The following VPS4A variants were observed in gnomAD, a reference collection of about 807,000 sequenced individuals.
The protein encoded by VPS4A is vacuolar protein sorting-associated protein 4A.
A neutral mutation model predicts 52.3 loss-of-function variants in VPS4A; 20 were observed. The ratio of observed to expected loss-of-function variants is 0.38; its 90% confidence interval spans 0.27 to 0.56. VPS4A has a LOEUF of 0.56. Ranked by LOEUF, VPS4A falls within the 20% of genes least tolerant of loss-of-function variation. The pLI is 0.72. For missense variants in VPS4A, 419 were observed against 575.9 expected (o/e 0.73, Z 2.79); for synonymous variants, 293 against 227.7 (o/e 1.29, Z -2.58).
Position 69,311,493 on chromosome 16 carries a change from G to C in VPS4A, c.-19G>C, listed in dbSNP as rs1965376813. ...CCGCAAGCAGCGCCGCGGGGTGTGG[G>C]GCGGACCCAGGAGATGAAATGACAA... On this transcript the variant is annotated 5_prime_UTR_variant, in exon 1 of 11. Transcript: ENST00000254950. 1 of 1,345,606 alleles carries C rather than the reference G, an allele frequency of 7.4e-7. No homozygotes were observed. Among genetic ancestry groups the C allele is most frequent in the Non-Finnish European group, 9.7e-7 (1 of 1,035,418 alleles). The allele number at this position is 1,345,606 out of a possible 1,614,324, so 83.4% of individuals were successfully genotyped here.
Position 69,324,841 on chromosome 16 carries a change from C to T in VPS4A, c.*532C>T, listed in dbSNP as rs1034534252. On this transcript the variant is annotated 3_prime_UTR_variant, in exon 11 of 11. Coordinates refer to ENST00000254950, the MANE Select transcript of VPS4A (RefSeq NM_013245.3). ...GCCTCAAAGACCGAGTGACATAAGC[C>T]ATTCCCACCCTCCTAGGTTCACATC... is the stretch of plus-strand genomic sequence containing the variant. 1 of 171,874 alleles carries T rather than the reference C, an allele frequency of 5.8e-6. No individual in the cohort carries two copies. The highest frequency in any genetic ancestry group is 1.3e-5 in the Non-Finnish European group (1 of 78,786). 10.6% of individuals were successfully genotyped at this position (171,874 alleles called of 1,614,324 possible).
intron 1 of VPS4A, among the ~76,000 whole-genome samples, chr16:69,313,489 A>G (rs1443759376): frequency 2.0e-5 from 3 of 152,158 alleles, no homozygotes; most frequent in Non-Finnish European, 4.4e-5. Context: ...CCCACTTTAT[A>G]TAAACAGAGT....
rs1033471326 is a variant in VPS4A at position 69,320,304 on chromosome 16, C to T, written c.769+15C>T. On this transcript the variant is annotated intron_variant, in intron 7 of 10. Transcript: ENST00000254950. This position sits in a 1 kb window ranked among gnomAD's most constrained non-coding sequence, Gnocchi z 4.2. Reference sequence around the variant, plus strand: ...CCAGATGCAGGGTGTGTGCCGGGCCCAGGGCCCCCTTGGTTCTTGTTGCAC... The same window carrying T: ...CCAGATGCAGGGTGTGTGCCGGGCCTAGGGCCCCCTTGGTTCTTGTTGCAC... The T allele has an allele frequency of 2.7e-5, 43 of 1,609,022 alleles. No homozygotes were observed. The highest frequency in any genetic ancestry group is 3.4e-5 in the Non-Finnish European group (40 of 1,175,956).
At chr16:69,323,511 A>G in intron 10 of VPS4A, 3 of 382,592 alleles carry the variant, frequency 7.8e-6, no homozygotes, top group Non-Finnish European at 1.6e-5. Flanking sequence ...ACGTCAATCC[A>G]TGGGTTTGGC....
chr16:69,315,979 G>A, intron 1 of VPS4A, 29 bp from the exon 2 acceptor site: 1 of 1,600,404 alleles, frequency 6.2e-7, no homozygotes, highest in Non-Finnish European at 8.6e-7. Context: ...CTCCGAGGAA[G>A]CACTGAGCCA....
Position 69,321,189 on chromosome 16 carries a change from G to T in VPS4A, c.990G>T (p.Ser330=), listed in dbSNP as rs371146680. The part of the protein sequence containing the change: ...HELARKTEGY[S]GADISIIVRD... ...TGGCCCGGAAGACGGAAGGCTACTC[G>T]GGCGCGGACATCAGCATCATCGTGC... is the stretch of plus-strand genomic sequence containing the variant. Residue 330 remains serine, a synonymous_variant, in exon 9 of 11, where the codon TCG becomes TCT. Coordinates refer to ENST00000254950, the MANE Select transcript of VPS4A (RefSeq NM_013245.3). This position sits in a 1 kb window ranked among gnomAD's most constrained non-coding sequence, Gnocchi z 4.5. The T allele has an allele frequency of 1.4e-4, 217 of 1,572,596 alleles. 4 individuals carry two copies. The South Asian group carries it at 1.7e-3, about 12-fold the overall frequency.
chr16:69,311,788 G>C (rs376273655), intron 1 of VPS4A, among the ~76,000 whole-genome samples: 2 of 152,210 alleles, frequency 1.3e-5, no homozygotes, highest in African/African-American at 4.8e-5. Flanking sequence ...CCGGCGCCCC[G>C]GTACCGCCGT....
chr16:69,318,703 A>G lies in VPS4A; in HGVS notation c.335A>G (p.Gln112Arg). The G allele has an allele frequency of 6.2e-7, 1 of 1,613,756 alleles. No individual in the cohort carries two copies. Among genetic ancestry groups the G allele is most frequent in the Non-Finnish European group, 8.5e-7 (1 of 1,179,794 alleles). The change falls in exon 4 of 11, where the codon CAG (glutamine) becomes CGG (arginine). Residue 112 changes from glutamine to arginine, a missense_variant. By Grantham distance (43) the Gln-to-Arg change is conservative. This residue lies in a region of VPS4A where 131 missense variants were observed against 165.4 expected (regional missense o/e 0.79). Coordinates refer to ENST00000254950, the MANE Select transcript of VPS4A (RefSeq NM_013245.3). ...DNPEKKKLQE[Q>R]LMGAVVMEKP... is the part of the protein sequence containing the mutation. ...CCGGAGAAAAAGAAACTGCAAGAACAGCTGATGGGTAAGTGGCTCGCGGCC... is the reference window on the plus strand; with the variant it reads ...CCGGAGAAAAAGAAACTGCAAGAACGGCTGATGGGTAAGTGGCTCGCGGCC...
In VPS4A at chr16:69,325,379, CG is replaced by C. The variant is rs1965576789; in HGVS notation, c.*1071del. 1.4e-5 allele frequency: 2 copies of C among 142,794 alleles called. No individual in the cohort carries two copies. Among genetic ancestry groups the C allele is most frequent in the African/African-American group, 5.0e-5 (2 of 40,192 alleles). The allele number at this position is 142,794 out of a possible 1,614,324, so 8.8% of individuals were successfully genotyped here. On this transcript the variant is annotated 3_prime_UTR_variant, in exon 11 of 11. Coordinates refer to ENST00000254950, the MANE Select transcript of VPS4A (RefSeq NM_013245.3). ...TGGTCTGCCGCTAACATTTAAAAGT[CG>C]AGAGTTGCTGGGCGCGGTGGCTCAC...
In VPS4A at chr16:69,311,477, G is replaced by T. The variant is rs1597209783; in HGVS notation, c.-35G>T. ...CGGGGCCGGACCGAGGCCGCAAGCA[G>T]CGCCGCGGGGTGTGGGGCGGACCCA... is the stretch of plus-strand genomic sequence containing the variant. On this transcript the variant is annotated 5_prime_UTR_variant, in exon 1 of 11. Transcript: ENST00000254950. 1 of 1,310,718 alleles carries T rather than the reference G, an allele frequency of 7.6e-7. No homozygotes were observed. Among genetic ancestry groups the T allele is most frequent in the Non-Finnish European group, 9.8e-7 (1 of 1,018,044 alleles). 81.2% of individuals were successfully genotyped at this position (1,310,718 alleles called of 1,614,324 possible).
rs1479995494 is a variant in VPS4A at position 69,311,383 on chromosome 16, C to T, written c.-129C>T. ...ACTCGGCTCCCGCTGCGAGCGGCCG[C>T]CCTGCCCGCGCACCGCGCTCAGCGC... On this transcript the variant is annotated 5_prime_UTR_variant, in exon 1 of 11. Coordinates refer to ENST00000254950, the MANE Select transcript of VPS4A (RefSeq NM_013245.3). The T allele has an allele frequency of 3.8e-6, 4 of 1,066,196 alleles. No homozygotes were observed. Among genetic ancestry groups the T allele is most frequent in the African/African-American group, 3.3e-5 (2 of 60,064 alleles). The allele number at this position is 1,066,196 out of a possible 1,614,324, so 66.0% of individuals were successfully genotyped here.
chr16:69,323,943 CCAA>C (rs1459689562), intron 10 of VPS4A, among the ~76,000 whole-genome samples: 10 of 108,654 alleles, frequency 9.2e-5, no homozygotes, highest in East Asian at 4.8e-4. Context: ...GACTCCGTCT[CCAA>C]AAAAAAAAAA....
At position 69,320,044 on chromosome 16, in the gene VPS4A, GCCTC is replaced by G; in HGVS notation, c.621-93_621-90del. On this transcript the variant is annotated intron_variant, in intron 6 of 10. Coordinates refer to ENST00000254950, the MANE Select transcript of VPS4A (RefSeq NM_013245.3). This position sits in a 1 kb window ranked among gnomAD's most constrained non-coding sequence, Gnocchi z 4.2. Reference sequence around the variant, plus strand: ...CAATTCCGGCATGACCGTGGCCTGCGCCTCCCTGTGGGAAGGGTGAGAAGAGGGA... The same window carrying G: ...CAATTCCGGCATGACCGTGGCCTGCGCCTGTGGGAAGGGTGAGAAGAGGGA... 1 of 1,463,064 alleles carries G rather than the reference GCCTC, an allele frequency of 6.8e-7. No individual in the cohort carries two copies. Among genetic ancestry groups the G allele is most frequent in the Non-Finnish European group, 9.2e-7 (1 of 1,088,974 alleles). 90.6% of individuals were successfully genotyped at this position (1,463,064 alleles called of 1,614,324 possible).
chr16:69,316,144 G>T (rs754637927), intron 2 of VPS4A, 25 bp downstream of exon 2: 1 of 1,612,966 alleles, frequency 6.2e-7, no homozygotes, highest in Non-Finnish European at 8.5e-7. Context: ...GGGTCCTCAG[G>T]CTGCCGCACT....
rs942064116 is a variant in VPS4A, at chr16:69,321,402, G to A, written c.1071+132G>A. 10 of 969,570 alleles carry A rather than the reference G, an allele frequency of 1.0e-5. No individual in the cohort carries two copies. Among genetic ancestry groups the A allele is most frequent in the South Asian group, 8.2e-5 (5 of 61,120 alleles). The allele number at this position is 969,570 out of a possible 1,614,324, so 60.1% of individuals were successfully genotyped here. On this transcript the variant is annotated intron_variant, in intron 9 of 10. Coordinates refer to ENST00000254950, the MANE Select transcript of VPS4A (RefSeq NM_013245.3). The surrounding 1 kb of genome is among the most constrained non-coding windows in gnomAD (Gnocchi z 4.5). ...AGTCTCTGAGGCCTCCTGGAGAGCC[G>A]AGGGCCAGTGCCATGGGGGCTGCAC...
chr16:69,318,543 G>T (rs1965466583), intron 3 of VPS4A, 107 bp from the exon 4 acceptor site: 1 of 1,252,200 alleles, frequency 8.0e-7, no homozygotes, highest in South Asian at 1.3e-5. Flanking sequence ...AGCCAGGAAG[G>T]CTTCGTTCCT....
rs1199401167 is a variant in VPS4A at position 69,321,420 on chromosome 16, G to T, written c.1071+150G>T. ...GAGAGCCGAGGGCCAGTGCCATGGGGGCTGCACCCACTGTCCCCTCCCTGC... is the reference window on the plus strand; with the variant it reads ...GAGAGCCGAGGGCCAGTGCCATGGGTGCTGCACCCACTGTCCCCTCCCTGC... On this transcript the variant is annotated intron_variant, in intron 9 of 10. Transcript: ENST00000254950. This position sits in a 1 kb window ranked among gnomAD's most constrained non-coding sequence, Gnocchi z 4.5. 1 of 811,478 alleles carries T rather than the reference G, an allele frequency of 1.2e-6. No individual in the cohort carries two copies. Among genetic ancestry groups the T allele is most frequent in the African/African-American group, 1.7e-5 (1 of 58,180 alleles). The allele number at this position is 811,478 out of a possible 1,614,324, so 50.3% of individuals were successfully genotyped here. A position where few individuals can be genotyped will look rare whatever the true frequency, so the allele number is the denominator to read the frequency against.
At position 69,325,433 on chromosome 16, in the gene VPS4A, T is replaced by TAACA. The variant is rs1965578764; in HGVS notation, c.*1125_*1128dup. On this transcript the variant is annotated 3_prime_UTR_variant, in exon 11 of 11. Coordinates refer to ENST00000254950, the MANE Select transcript of VPS4A (RefSeq NM_013245.3). The stretch of plus-strand genomic sequence containing the variant: ...CTGTAATCCCAGCACTTTGGGCCGC[T>TAACA]AACATTTAAAAGTCGAGAGTTGCTG... The TAACA allele has an allele frequency of 1.3e-5, 1 of 79,482 alleles. No homozygotes were observed. Among genetic ancestry groups the TAACA allele is most frequent in the South Asian group, 4.3e-4 (1 of 2,304 alleles). The allele number at this position is 79,482 out of a possible 1,614,324, so 4.9% of individuals were successfully genotyped here.
Position 69,321,315 on chromosome 16 carries a change from C to T in VPS4A, c.1071+45C>T, listed in dbSNP as rs75085377. On this transcript the variant is annotated intron_variant, in intron 9 of 10. Transcript: ENST00000254950. This position sits in a 1 kb window ranked among gnomAD's most constrained non-coding sequence, Gnocchi z 4.5. ...GCTGAGAAAAATCTCATAGTAAGAG[C>T]GGGATGTTCGGTTTTTTTTTTCCCA... 0.011 allele frequency: 17,067 copies of T among 1,523,660 alleles called. 121 individuals carry two copies. The highest frequency in any genetic ancestry group is 0.013 in the Non-Finnish European group (14,240 of 1,130,088). The allele number at this position is 1,523,660 out of a possible 1,614,324, so 94.4% of individuals were successfully genotyped here. A position where few individuals can be genotyped will look rare whatever the true frequency, so the allele number is the denominator to read the frequency against.
Sources: allele counts gnomAD v4.1 joint callset (sites outside exome capture counted in the v4.1 genomes callset), GRCh38; gene constraint gnomAD v4.1.1; regional missense constraint gnomAD v4.1.1; non-coding constraint Gnocchi (gnomAD v3.1); transcripts MANE v1.5; gene names NCBI Gene and HGNC (gene_info 2026-07-23, HGNC 2026-07-21).